The following SEMA5B variants were observed in gnomAD, a reference collection of about 807,000 sequenced individuals.
SEMA5B encodes semaphorin-5B.
Under a neutral mutation model 135.0 loss-of-function variants are expected in SEMA5B, and 66 were observed. The observed-to-expected ratio is 0.49, with a 90% CI of 0.40 to 0.60. SEMA5B has a LOEUF of 0.60. Ranked by LOEUF, SEMA5B falls within the 20% of genes least tolerant of loss-of-function variation. SEMA5B has a pLI of 0.00. For synonymous variants in SEMA5B, 690 were observed against 639.5 expected, an observed-to-expected ratio of 1.08 and a Z score of -1.19; for missense variants, 1,501 against 1,566.3, an observed-to-expected ratio of 0.96 and a Z score of 0.70.
chr3:122,912,110 C>A, intron 19 of SEMA5B, 41 bp from the exon 20 acceptor site: 3 of 1,592,110 alleles, frequency 1.9e-6, no homozygotes, highest in East Asian at 2.3e-5. Context: ...GCCCAGGGAC[C>A]CCCTGGTGGG....
chr3:122,976,073 CCTT>C, intron 1 of SEMA5B: 1 of 1,535,264 alleles, frequency 6.5e-7, no homozygotes, highest in Non-Finnish European at 8.7e-7. Context: ...CTATGAAGCT[CCTT>C]CTGACCCTCA....
chr3:122,932,017 G>T (rs1938998123), intron 5 of SEMA5B, among the ~76,000 whole-genome samples: 1 of 152,212 alleles, frequency 6.6e-6, no homozygotes, highest in Admixed American at 6.5e-5. Flanking sequence ...GTCTTTAACT[G>T]AAAGACACGT....
chr3:123,014,665 A>C (rs746007022), intron 1 of SEMA5B, among the ~76,000 whole-genome samples: 19 of 152,246 alleles, frequency 1.2e-4, no homozygotes, highest in Non-Finnish European at 2.2e-4. Context: ...GAAGCACTTG[A>C]AGCTGAGAGC....
At chr3:122,997,009 G>C (rs1326647481) in intron 1 of SEMA5B, among the ~76,000 whole-genome samples, 1 of 152,146 alleles carries the variant, frequency 6.6e-6, no homozygotes, top group Non-Finnish European at 1.5e-5. Context: ...CACACCCCAG[G>C]GAAGGGAAGC....
At chr3:122,924,422 C>T (rs975254314) in intron 9 of SEMA5B, among the ~76,000 whole-genome samples, 3 of 152,282 alleles carry the variant, frequency 2.0e-5, no homozygotes, top group East Asian at 1.9e-4. Context: ...CCTCTAGTCC[C>T]CTGAATGCTG....
intron 1 of SEMA5B, among the ~76,000 whole-genome samples, chr3:123,016,070 G>A (rs1942547746): frequency 6.6e-6 from 1 of 152,200 alleles, no homozygotes; most frequent in South Asian, 2.1e-4. Context: ...GGTCCCAGGA[G>A]GATGAGGGGT....
intron 2 of SEMA5B, among the ~76,000 whole-genome samples, chr3:122,956,906 C>G (rs144206542): frequency 1.5e-3 from 235 of 152,234 alleles, no homozygotes; most frequent in African/African-American, 5.5e-3. Flanking sequence ...AGAGGCCTCA[C>G]GTAGAAGGCG....
chr3:122,923,675 T>C lies in SEMA5B; in HGVS notation c.1214A>G (p.Tyr405Cys). Residue 405 changes from tyrosine to cysteine, a missense_variant, in exon 10 of 23, where the codon TAC becomes TGC. Around this residue, in one of 2 missense-constraint regions of SEMA5B, gnomAD observed 574 missense variants for 684.7 expected, o/e 0.84. Transcript: ENST00000357599. ...ISQAFNGPFR[Y>C]QENPRAAWLP... ...CCAGGCAGCCCTGGGGTTCTCCTGG[T>C]AGCGAAATGGGCCATTGAAAGCCTG... 6.2e-7 allele frequency: 1 copy of C among 1,614,054 alleles called. No individual in the cohort carries two copies.
At chr3:122,966,934 G>A (rs1371127069) in intron 1 of SEMA5B, among the ~76,000 whole-genome samples, 5 of 148,160 alleles carry the variant, frequency 3.4e-5, no homozygotes, top group African/African-American at 1.3e-4. Context: ...GCCCAGGCTG[G>A]AATGCAATGG....
chr3:122,940,407 A>G (rs768122986), intron 4 of SEMA5B, among the ~76,000 whole-genome samples: 1 of 152,330 alleles, frequency 6.6e-6, no homozygotes, highest in East Asian at 1.9e-4. Context: ...GACTGTGGAG[A>G]CAGAGGAATG....
intron 5 of SEMA5B, among the ~76,000 whole-genome samples, chr3:122,931,649 T>C (rs1938977084): frequency 6.6e-6 from 1 of 152,176 alleles, no homozygotes; most frequent in South Asian, 2.1e-4. Flanking sequence ...CTTTTTAGAG[T>C]TGTCAGTGCT....
chr3:123,012,928 G>A (rs963741447), intron 1 of SEMA5B, among the ~76,000 whole-genome samples: 2 of 152,242 alleles, frequency 1.3e-5, no homozygotes, highest in East Asian at 3.8e-4. Context: ...TTCATGGAAG[G>A]TGCCTGGAGA....
chr3:122,964,636 A>G (rs559137778), intron 1 of SEMA5B, among the ~76,000 whole-genome samples: 133 of 152,040 alleles, frequency 8.7e-4, no homozygotes, highest in South Asian at 1.5e-3. Flanking sequence ...CAAAATGTCC[A>G]TGCCTCCCTC....
intron 9 of SEMA5B, 152 bp from the exon 10 acceptor site, chr3:122,923,904 T>A: frequency 3.5e-6 from 3 of 868,188 alleles, no homozygotes; most frequent in Non-Finnish European, 5.4e-6. Flanking sequence ...AGGGAGGAGA[T>A]GTGGTCCTCA....
intron 22 of SEMA5B, 51 bp from the exon 23 acceptor site, chr3:122,910,352 A>G (rs763577020): frequency 6.9e-6 from 11 of 1,595,988 alleles, no homozygotes; most frequent in South Asian, 6.8e-5. Flanking sequence ...CACACAGGGG[A>G]AGGGAACAGG....
chr3:122,970,798 G>A (rs1012302453), intron 1 of SEMA5B, among the ~76,000 whole-genome samples: 4 of 152,186 alleles, frequency 2.6e-5, no homozygotes, highest in African/African-American at 7.2e-5. Context: ...ATTCTGGGAC[G>A]GAAATCTACA....
intron 1 of SEMA5B, among the ~76,000 whole-genome samples, chr3:123,006,529 C>A (rs1347439735): frequency 6.6e-6 from 1 of 152,182 alleles, no homozygotes. Flanking sequence ...TAAACAACAA[C>A]CTTCTAAGGG....
chr3:122,936,332 C>A (rs72970521), intron 5 of SEMA5B, among the ~76,000 whole-genome samples: 1 of 152,130 alleles, frequency 6.6e-6, no homozygotes, highest in African/African-American at 2.4e-5. Context: ...TGAATGTCAA[C>A]GCATCTTTGG....
chr3:123,013,041 A>AATGGAGCCAGGG (rs1942473242), intron 1 of SEMA5B, among the ~76,000 whole-genome samples: 1 of 152,186 alleles, frequency 6.6e-6, no homozygotes, highest in African/African-American at 2.4e-5. Context: ...GGTCCTGCAT[A>AATGGAGCCAGGG]ATGGAGCCAG....
Sources: gnomAD v4.1 joint callset for allele counts (sites outside exome capture counted in the v4.1 genomes callset) on GRCh38, gnomAD v4.1.1 for gene constraint, gnomAD v4.1.1 regional missense constraint, MANE v1.5 for transcripts, NCBI Gene and HGNC (gene_info 2026-07-23, HGNC 2026-07-21) for gene names.